RABGEF1: variants seen among roughly 807,000 people sequenced by gnomAD.
RABGEF1 encodes the protein rab5 GDP/GTP exchange factor.
In RABGEF1, 26 loss-of-function variants were observed where a neutral mutation model predicts 57.3. That is an observed-to-expected ratio of 0.45 (90% CI 0.33 to 0.63). The LOEUF is 0.63. RABGEF1 is among the 20% of genes least tolerant of loss of function. The probability of loss-of-function intolerance (pLI) is 0.02; values close to 1 mark genes in which losing one functional copy is unlikely to be tolerated. For synonymous variants in RABGEF1, 185 were observed against 210.7 expected (o/e 0.88, Z 1.06); for missense variants, 464 against 607.6 (o/e 0.76, Z 2.48).
intron 1 of RABGEF1, among the ~76,000 whole-genome samples, chr7:66,747,258 G>A (rs989886009): frequency 3.3e-5 from 5 of 152,156 alleles, no homozygotes; most frequent in South Asian, 2.1e-4. Context: ...CACTGAGAGA[G>A]TATTAAGCTT....
chr7:66,691,322 C>G (rs1791482886), intron 1 of RABGEF1, among the ~76,000 whole-genome samples: 1 of 152,098 alleles, frequency 6.6e-6, no homozygotes, highest in Non-Finnish European at 1.5e-5. Flanking sequence ...GACTTGAACA[C>G]AAGTATTCAA....
intron 4 of RABGEF1, among the ~76,000 whole-genome samples, chr7:66,788,324 A>C (rs1363683920): frequency 1.3e-5 from 2 of 152,104 alleles, no homozygotes; most frequent in African/African-American, 4.8e-5. Flanking sequence ...GCTCGCCTGT[A>C]GTCCCAGCTA....
At chr7:66,793,009 T>C (rs1444809094) in intron 4 of RABGEF1, among the ~76,000 whole-genome samples, 1 of 152,120 alleles carries the variant, frequency 6.6e-6, no homozygotes, top group African/African-American at 2.4e-5. Flanking sequence ...GCAGTAGAAA[T>C]AGAAAAGGAG....
the RABGEF1 span, chr7:66,669,684 G>A: frequency 6.6e-6 from 1 of 152,190 alleles, no homozygotes; most frequent in African/African-American, 2.4e-5. Flanking sequence ...TAGCCAGGCA[G>A]GACAAATAAC....
chr7:66,783,705 C>G lies in RABGEF1; in HGVS notation c.377C>G (p.Ser126Cys), dbSNP rs565830156. ...EIQEAKAPSP[S>C]INRQTSIETD... is the part of the protein sequence containing the mutation. Reference sequence around the variant, plus strand: ...CAGGAAGCAAAAGCTCCCAGTCCTTCCATAAACCGGCAAACCAGCATTGAA... The same window carrying G: ...CAGGAAGCAAAAGCTCCCAGTCCTTGCATAAACCGGCAAACCAGCATTGAA... Residue 126 changes from serine to cysteine, a missense_variant, in exon 4 of 9, where the codon TCC (serine) becomes TGC (cysteine). By Grantham distance (112) the Ser-to-Cys change is moderately radical. This residue lies in a region of RABGEF1 where 284 missense variants were observed against 389.9 expected (regional missense o/e 0.73). Transcript: ENST00000284957. 6.2e-7 allele frequency: 1 copy of G among 1,610,852 alleles called. No homozygotes were observed. The highest frequency in any genetic ancestry group is 2.2e-5 in the East Asian group (1 of 44,806).
the RABGEF1 span, among the ~76,000 whole-genome samples, chr7:66,665,439 TG>T: frequency 6.6e-6 from 1 of 151,908 alleles, no homozygotes; most frequent in Non-Finnish European, 1.5e-5. Context: ...CCACTGCACC[TG>T]GCCTAGAATT....
chr7:66,800,440 G>A (rs1787026372), intron 7 of RABGEF1, among the ~76,000 whole-genome samples: 1 of 152,154 alleles, frequency 6.6e-6, no homozygotes, highest in South Asian at 2.1e-4. Context: ...GTCAACTCCT[G>A]TTGTTAAGTA....
chr7:66,715,053 C>T (rs547586752), intron 2 of RABGEF1, among the ~76,000 whole-genome samples: 1 of 151,948 alleles, frequency 6.6e-6, no homozygotes, highest in Non-Finnish European at 1.5e-5. Flanking sequence ...TCTTCTCCTT[C>T]TCTTTCTCTT....
chr7:66,726,731 C>T lies in RABGEF1; in HGVS notation c.-814-13265C>T, dbSNP rs572125386. 2.3e-3 allele frequency among the ~76,000 whole-genome samples: 353 copies of T among 151,818 alleles called. 2 individuals are homozygous for T. The highest frequency in any genetic ancestry group is 8.1e-3 in the African/African-American group (336 of 41,450). Reference sequence around the variant, plus strand: ...CTAAAATGGACTGCGAGGTCAGGTGCGGTGGCTCACGCCTGTAATCCCAAC... The same window carrying T: ...CTAAAATGGACTGCGAGGTCAGGTGTGGTGGCTCACGCCTGTAATCCCAAC... On this transcript the variant is annotated intron_variant and NMD_transcript_variant, in intron 2 of 9. Coordinates refer to the RABGEF1 transcript ENST00000607882.
At chr7:66,673,688 C>T in the RABGEF1 span, among the ~76,000 whole-genome samples, 14 of 151,228 alleles carry the variant, frequency 9.3e-5, no homozygotes, top group African/African-American at 2.4e-4. Context: ...CACTGTCTTC[C>T]GCACGTACGG....
chr7:66,686,280 C>CA (rs1435924070), intron 1 of RABGEF1, among the ~76,000 whole-genome samples: 364 of 94,096 alleles, frequency 3.9e-3, no homozygotes, highest in East Asian at 9.3e-3. Context: ...GACTCTGTCT[C>CA]AAAAAAAAAA....
chr7:66,796,953 T>C lies in RABGEF1; in HGVS notation c.596-421T>C, dbSNP rs925962277. On this transcript the variant is annotated intron_variant, in intron 5 of 8. Coordinates refer to ENST00000284957, the MANE Select transcript of RABGEF1 (RefSeq NM_014504.3). ...CATTCTTATACTTTTGTTCTGAGTGTGTTTAATTTATTTCTAGTAAATTAG... is the reference window on the plus strand; with the variant it reads ...CATTCTTATACTTTTGTTCTGAGTGCGTTTAATTTATTTCTAGTAAATTAG... 74 of 426,740 alleles carry C rather than the reference T, an allele frequency of 1.7e-4. 1 individual carries two copies. Among genetic ancestry groups the C allele is most frequent in the African/African-American group, 1.5e-3 (73 of 47,816 alleles). The allele number at this position is 426,740 out of a possible 1,614,324, so 26.4% of individuals were successfully genotyped here.
intron 4 of RABGEF1, among the ~76,000 whole-genome samples, chr7:66,790,340 T>A (rs1312264276): frequency 6.6e-6 from 1 of 152,200 alleles, no homozygotes; most frequent in Non-Finnish European, 1.5e-5. Flanking sequence ...AGGTCTTTTT[T>A]TCGTCTTTCT....
chr7:66,799,604 A>G (rs991175086), intron 7 of RABGEF1, among the ~76,000 whole-genome samples, 190 bp downstream of exon 7: 1 of 152,064 alleles, frequency 6.6e-6, no homozygotes, highest in African/African-American at 2.4e-5. Flanking sequence ...TTACCCCTTT[A>G]TTTTCAGGGA....
chr7:66,744,808 T>C (rs938787594), intron 1 of RABGEF1, among the ~76,000 whole-genome samples: 5 of 152,206 alleles, frequency 3.3e-5, no homozygotes, highest in African/African-American at 4.8e-5. Flanking sequence ...TCAACCCCAA[T>C]TGAGCACACA....
rs140016128 is a variant in RABGEF1 at position 66,701,583 on chromosome 7, A to T, written c.-872-10584A>T. 7.0e-3 allele frequency among the ~76,000 whole-genome samples: 1,036 copies of T among 147,038 alleles called. 14 individuals are homozygous for T. Among genetic ancestry groups the T allele is most frequent in the African/African-American group, 0.025 (987 of 39,718 alleles). ...GAGTGCAATGGTGTAGTCTCAGCTC[A>T]CTGTAACCTCCACCTCCTGGGTTCA... On this transcript the variant is annotated intron_variant and NMD_transcript_variant, in intron 1 of 9. Coordinates refer to the RABGEF1 transcript ENST00000607882.
At chr7:66,755,052 T>C (rs966968155) in intron 1 of RABGEF1, among the ~76,000 whole-genome samples, 6 of 152,116 alleles carry the variant, frequency 3.9e-5, no homozygotes, top group African/African-American at 1.4e-4. Context: ...CCCAGCACTT[T>C]GGGAGGCCAA....
intron 1 of RABGEF1, among the ~76,000 whole-genome samples, chr7:66,689,734 G>A (rs1322782954): frequency 3.3e-5 from 5 of 151,892 alleles, no homozygotes; most frequent in Non-Finnish European, 4.4e-5. Flanking sequence ...CCCGGGAGGC[G>A]GAGGTTGCAG....
At chr7:66,757,844 C>T (rs1466050715) in intron 1 of RABGEF1, among the ~76,000 whole-genome samples, 5 of 152,164 alleles carry the variant, frequency 3.3e-5, no homozygotes, top group Non-Finnish European at 5.9e-5. Flanking sequence ...ATCTTCTGAC[C>T]TCGTGATCCG....
Sources: allele counts gnomAD v4.1 joint callset (sites outside exome capture counted in the v4.1 genomes callset), GRCh38; gene constraint gnomAD v4.1.1; regional missense constraint gnomAD v4.1.1; transcripts MANE v1.5; gene names NCBI Gene and HGNC (gene_info 2026-07-23, HGNC 2026-07-21).